ZNF407: variants seen among roughly 807,000 people sequenced by gnomAD.
ZNF407 encodes zinc finger protein 407.
In ZNF407, 17 loss-of-function variants were observed where a neutral mutation model predicts 131.2. That is an observed-to-expected ratio of 0.13 (90% CI 0.09 to 0.19). ZNF407 has a LOEUF of 0.19. Among genes scored for constraint, ZNF407 ranks in the 10% least tolerant of loss-of-function variants. The pLI, the probability that ZNF407 is intolerant of heterozygous loss-of-function variation, is 1.00. For synonymous variants in ZNF407, 1,156 were observed against 1,062.0 expected, an observed-to-expected ratio of 1.09 and a Z score of -1.72; for missense variants, 2,681 against 2,830.6, an observed-to-expected ratio of 0.95 and a Z score of 1.20.
At chr18:74,916,662 GCTGGTATGGTGAGGT>G (rs1417176793) in intron 7 of ZNF407, among the ~76,000 whole-genome samples, 3 of 138,942 alleles carry the variant, frequency 2.2e-5, no homozygotes, top group Non-Finnish European at 4.6e-5. Flanking sequence ...GCATGTGTGT[GCTGGTATGGTGAGGT>G]TGTATGCAGC....
intron 3 of ZNF407, among the ~76,000 whole-genome samples, chr18:74,713,433 CAT>C (rs1009197852): frequency 1.2e-4 from 15 of 121,448 alleles, no homozygotes; most frequent in Non-Finnish European, 2.3e-4. Context: ...GTGATTAAAA[CAT>C]AGTTTCATTT....
intron 3 of ZNF407, among the ~76,000 whole-genome samples, chr18:74,655,671 C>T (rs2144719547): frequency 6.6e-6 from 1 of 152,252 alleles, no homozygotes; most frequent in Middle Eastern, 3.4e-3. Context: ...TGTAATTTGT[C>T]TATCTACTTT....
chr18:74,635,351 C>A lies in ZNF407; in HGVS notation c.4332C>A (p.Phe1444Leu). The change falls in exon 2 of 9, where the codon TTC becomes TTA. Residue 1444 changes from phenylalanine to leucine, a missense_variant. Transcript: ENST00000299687. The surrounding 1 kb of genome is among the most constrained non-coding windows in gnomAD (Gnocchi z 4.7). ...AMKHPTKEKH[F>L]HCLLCGKSFY... ...AGCATCCTACAAAAGAGAAGCACTT[C>A]CATTGTTTACTCTGTGGAAAGTCGT... 1.2e-6 allele frequency: 2 copies of A among 1,613,962 alleles called. No individual in the cohort carries two copies. The highest frequency in any genetic ancestry group is 8.5e-7 in the Non-Finnish European group (1 of 1,179,880).
Position 74,634,327 on chromosome 18 carries a change from A to G in ZNF407, c.3308A>G (p.Gln1103Arg). 6.2e-7 allele frequency: 1 copy of G among 1,613,996 alleles called. No individual in the cohort carries two copies. The highest frequency in any genetic ancestry group is 8.5e-7 in the Non-Finnish European group (1 of 1,179,870). ...ATTATGCCTGAAGAAGAGCATCAAC[A>G]AAATTCTGAGGAATTTCAAATAATT... ...NIIMPEEEHQ[Q>R]NSEEFQIISG... Residue 1103 changes from glutamine to arginine, a missense_variant, in exon 2 of 9, where the codon CAA becomes CGA. Gln to Arg is a conservative substitution (Grantham distance 43). Coordinates refer to ENST00000299687, the MANE Select transcript of ZNF407 (RefSeq NM_017757.3).
At chr18:74,655,038 G>A (rs1016011564) in intron 3 of ZNF407, among the ~76,000 whole-genome samples, 2 of 151,896 alleles carry the variant, frequency 1.3e-5, no homozygotes, top group African/African-American at 2.4e-5. Flanking sequence ...ATCAATGTCT[G>A]ATAATGCCAT....
chr18:74,715,510 A>G (rs1967873293), intron 3 of ZNF407, among the ~76,000 whole-genome samples: 1 of 152,168 alleles, frequency 6.6e-6, no homozygotes, highest in Non-Finnish European at 1.5e-5. Context: ...TCATCCCATC[A>G]CAGGATTTTC....
intron 8 of ZNF407, among the ~76,000 whole-genome samples, chr18:74,978,064 A>AT (rs1462291745): frequency 6.6e-6 from 1 of 152,010 alleles, no homozygotes; most frequent in Non-Finnish European, 1.5e-5. Flanking sequence ...GGTGCTTTTC[A>AT]TTTTTTATCA....
chr18:74,949,330 A>G (rs1359892637), intron 8 of ZNF407, among the ~76,000 whole-genome samples: 1 of 152,194 alleles, frequency 6.6e-6, no homozygotes, highest in Non-Finnish European at 1.5e-5. Context: ...ACTTAACCTC[A>G]CTGTACTTAA....
chr18:74,726,497 A>G (rs956446814), intron 3 of ZNF407, among the ~76,000 whole-genome samples: 23 of 152,266 alleles, frequency 1.5e-4, no homozygotes, highest in Admixed American at 1.3e-3. Flanking sequence ...CAATTTACAT[A>G]GAAATATGAA....
chr18:74,705,149 C>CTTT (rs1967595636), intron 3 of ZNF407, among the ~76,000 whole-genome samples: 1 of 55,746 alleles, frequency 1.8e-5, no homozygotes, highest in Non-Finnish European at 3.9e-5. Flanking sequence ...GAGAAAAATA[C>CTTT]ATTTTTTTTT....
intron 5 of ZNF407, among the ~76,000 whole-genome samples, chr18:74,877,946 G>A (rs539749762): frequency 4.6e-5 from 7 of 152,260 alleles, no homozygotes; most frequent in Admixed American, 4.6e-4. Context: ...TTTTTGGAAA[G>A]TTATTAAAAA....
intron 8 of ZNF407, among the ~76,000 whole-genome samples, chr18:75,035,322 G>A (rs1973295421): frequency 6.6e-6 from 1 of 152,194 alleles, no homozygotes; most frequent in Non-Finnish European, 1.5e-5. Flanking sequence ...ACAATTATGA[G>A]AAAGTGAGAT....
chr18:74,657,135 C>A (rs991165388), intron 3 of ZNF407, among the ~76,000 whole-genome samples: 1 of 144,312 alleles, frequency 6.9e-6, no homozygotes, highest in Non-Finnish European at 1.5e-5. Context: ...TGTTTGCTTA[C>A]GTATTATTTT....
At chr18:74,755,602 T>G (rs1218298154) in intron 3 of ZNF407, among the ~76,000 whole-genome samples, 4 of 78,930 alleles carry the variant, frequency 5.1e-5, no homozygotes, top group African/African-American at 1.5e-4. Context: ...TTTTTTTTTT[T>G]TTCTGAGACC....
intron 8 of ZNF407, among the ~76,000 whole-genome samples, chr18:75,047,583 C>A (rs892320300): frequency 2.0e-5 from 3 of 152,178 alleles, no homozygotes; most frequent in Non-Finnish European, 4.4e-5. Flanking sequence ...TACTGTACTT[C>A]CTGGAATTTC....
Position 74,634,460 on chromosome 18 carries a change from T to C in ZNF407, c.3441T>C (p.Ser1147=). The part of the protein sequence containing the change: ...DMSKVLCAAD[S]VEVETEEESN... ...CTAAAGTGCTCTGCGCTGCTGACTC[T>C]GTAGAAGTTGAGACTGAAGAAGAAT... The change falls in exon 2 of 9, where the codon TCT becomes TCC. Residue 1147 remains serine (S), a synonymous_variant. Transcript: ENST00000299687. 6.2e-7 allele frequency: 1 copy of C among 1,613,792 alleles called. No individual in the cohort carries two copies. Among genetic ancestry groups the C allele is most frequent in the African/African-American group, 1.3e-5 (1 of 75,062 alleles).
At chr18:74,799,120 A>G (rs1158038900) in intron 4 of ZNF407, among the ~76,000 whole-genome samples, 1 of 152,148 alleles carries the variant, frequency 6.6e-6, no homozygotes. Context: ...TTGCCCACAA[A>G]TTTTTAGGTT....
intron 4 of ZNF407, among the ~76,000 whole-genome samples, chr18:74,785,242 C>G (rs1969680712): frequency 6.6e-6 from 1 of 152,206 alleles, no homozygotes; most frequent in African/African-American, 2.4e-5. Context: ...TTCTTACCCT[C>G]AGTGCATTTT....
chr18:74,775,314 G>A (rs1969445919), intron 3 of ZNF407, among the ~76,000 whole-genome samples: 1 of 152,168 alleles, frequency 6.6e-6, no homozygotes, highest in South Asian at 2.1e-4. Flanking sequence ...AACAGTATTT[G>A]TGAGAGTATG....
Sources: allele counts gnomAD v4.1 joint callset (sites outside exome capture counted in the v4.1 genomes callset), GRCh38; gene constraint gnomAD v4.1.1; non-coding constraint Gnocchi (gnomAD v3.1); transcripts MANE v1.5; gene names NCBI Gene and HGNC (gene_info 2026-07-23, HGNC 2026-07-21).